The following TRPM7 variants were observed in gnomAD, a reference collection of about 807,000 sequenced individuals.
TRPM7 encodes transient receptor potential cation channel subfamily M member 7, also known as LTRPC ion channel family member 7.
Under a neutral mutation model 229.7 loss-of-function variants are expected in TRPM7, and 134 were observed. That is an observed-to-expected ratio of 0.58 (90% CI 0.51 to 0.67). The LOEUF is 0.67. Among genes scored for constraint, TRPM7 ranks in the 30% least tolerant of loss-of-function variants. The pLI is 0.00. For synonymous variants in TRPM7, 699 were observed against 715.2 expected (o/e 0.98, Z 0.36); for missense variants, 1,901 against 2,210.0 (o/e 0.86, Z 2.80).
chr15:50,672,721 T>C (rs1009891036), intron 1 of TRPM7, among the ~76,000 whole-genome samples: 6 of 151,562 alleles, frequency 4.0e-5, no homozygotes, highest in African/African-American at 1.5e-4. Flanking sequence ...ACCAGCCTGA[T>C]CAATGTGGTG....
At chr15:50,599,547 T>C (rs1448654268) in intron 21 of TRPM7, 3 of 325,128 alleles carry the variant, frequency 9.2e-6, no homozygotes, top group South Asian at 9.0e-5. Context: ...ACATAATGAA[T>C]TGTATCACTG....
At chr15:50,587,040 A>G (rs1325543545) in intron 27 of TRPM7, among the ~76,000 whole-genome samples, 1 of 152,140 alleles carries the variant, frequency 6.6e-6, no homozygotes, top group Non-Finnish European at 1.5e-5. Flanking sequence ...ACAAAAGAAA[A>G]CAAAAAACCT....
intron 1 of TRPM7, among the ~76,000 whole-genome samples, chr15:50,678,777 C>G (rs1313520217): frequency 6.6e-6 from 1 of 152,022 alleles, no homozygotes; most frequent in East Asian, 1.9e-4. Flanking sequence ...TGCCTGTAAC[C>G]CCAACACTTT....
intron 2 of TRPM7, among the ~76,000 whole-genome samples, chr15:50,658,689 TA>T (rs1040636841): frequency 3.3e-5 from 5 of 151,868 alleles, no homozygotes; most frequent in African/African-American, 9.7e-5. Context: ...CCCATCAAAA[TA>T]AAAAACGTTG....
At chr15:50,665,825 C>T (rs1476480993) in intron 1 of TRPM7, among the ~76,000 whole-genome samples, 1 of 151,970 alleles carries the variant, frequency 6.6e-6, no homozygotes, top group Non-Finnish European at 1.5e-5. Flanking sequence ...TGAAAACCGT[C>T]TCTACTAAAA....
intron 1 of TRPM7, among the ~76,000 whole-genome samples, chr15:50,679,501 GTA>G (rs1318228359): frequency 2.4e-5 from 2 of 84,624 alleles, no homozygotes; most frequent in Non-Finnish European, 4.6e-5. Flanking sequence ...ATATATATGT[GTA>G]TATATATAAT....
rs1393754637 is a variant in TRPM7 at position 50,566,198 on chromosome 15, A to G, written c.5467+3689T>C. ...AGTATGTTTCTTTTATAATAGAATT[A>G]AGCAAGAAATCAATTAAAGACATTT... On this transcript the variant is annotated intron_variant, in intron 38 of 38. Coordinates refer to ENST00000646667, the MANE Select transcript of TRPM7 (RefSeq NM_017672.6). Among the ~76,000 whole-genome samples the G allele has an allele frequency of 3.3e-5, 5 of 150,174 alleles. No homozygotes were observed. In the South Asian group the frequency reaches 6.3e-4, roughly 19 times the overall value.
chr15:50,634,118 A>G (rs150664677), intron 8 of TRPM7, among the ~76,000 whole-genome samples: 33 of 152,208 alleles, frequency 2.2e-4, no homozygotes, highest in African/African-American at 7.5e-4. Flanking sequence ...CAGGAGTTCA[A>G]GACTAGCCTG....
chr15:50,589,477 A>G, intron 27 of TRPM7, 115 bp downstream of exon 27: 1 of 691,316 alleles, frequency 1.4e-6, no homozygotes, highest in African/African-American at 1.9e-5. Context: ...CAGCATGTTA[A>G]TGATATCTGC....
chr15:50,636,712 T>G (rs16973487), intron 7 of TRPM7, among the ~76,000 whole-genome samples: 1 of 152,092 alleles, frequency 6.6e-6, no homozygotes, highest in South Asian at 2.1e-4. Flanking sequence ...TTAAGACACA[T>G]TTAGCCAAAC....
chr15:50,659,316 T>C (rs2061671112), intron 2 of TRPM7, among the ~76,000 whole-genome samples: 1 of 152,124 alleles, frequency 6.6e-6, no homozygotes, highest in African/African-American at 2.4e-5. Context: ...ACAAAGACTA[T>C]ATCTAACTTT....
chr15:50,592,403 G>C lies in TRPM7; in HGVS notation c.3832C>G (p.Leu1278Val). The change falls in exon 26 of 39, where the codon CTT (leucine) becomes GTT (valine). Residue 1278 changes from leucine to valine, a missense_variant. Leu to Val is a conservative substitution (Grantham distance 32). Transcript: ENST00000646667. The part of the protein sequence containing the change: ...LSISKHLAQN[L>V]IDDGPVRPSV... ...GGTCTTACAGGACCATCATCAATAA[G>C]GTTTTGAGCCAAGTGTTTGGAAATG... 6.2e-7 allele frequency: 1 copy of C among 1,614,144 alleles called. No individual in the cohort carries two copies. The highest frequency in any genetic ancestry group is 1.1e-5 in the South Asian group (1 of 91,076).
At chr15:50,672,898 C>CAAAAAAAAAA (rs35153596) in intron 1 of TRPM7, among the ~76,000 whole-genome samples, 1 of 26,220 alleles carries the variant, frequency 3.8e-5, no homozygotes, top group Admixed American at 6.6e-4. Context: ...GACTCTGTCT[C>CAAAAAAAAAA]AAAAAAAAAA....
At position 50,648,677 on chromosome 15, in the gene TRPM7, T is replaced by C. The variant is rs1390928603; in HGVS notation, c.321+10A>G. Reference sequence around the variant, plus strand: ...AACATAAATGAAGAAAAATCCAATATGTGACATACCTTAGCTCTGTAGGAA... The same window carrying C: ...AACATAAATGAAGAAAAATCCAATACGTGACATACCTTAGCTCTGTAGGAA... On this transcript the variant is annotated intron_variant, in intron 4 of 38. Coordinates refer to ENST00000646667, the MANE Select transcript of TRPM7 (RefSeq NM_017672.6). The C allele has an allele frequency of 1.9e-6, 3 of 1,574,772 alleles. No individual in the cohort carries two copies. Among genetic ancestry groups the C allele is most frequent in the Admixed American group, 3.7e-5 (2 of 53,756 alleles).
chr15:50,587,447 C>CA (rs1024379606), intron 27 of TRPM7, among the ~76,000 whole-genome samples: 6 of 114,844 alleles, frequency 5.2e-5, no homozygotes, highest in East Asian at 2.8e-4. Context: ...TGCTCCATCT[C>CA]AAAAAAAAAG....
chr15:50,635,662 C>T (rs769555014), intron 7 of TRPM7, among the ~76,000 whole-genome samples: 80 of 87,954 alleles, frequency 9.1e-4, no homozygotes, highest in Non-Finnish European at 1.4e-3. Flanking sequence ...GACTCCATCT[C>T]CCAAAAAAAA....
chr15:50,678,622 T>C (rs1425794606), intron 1 of TRPM7, among the ~76,000 whole-genome samples: 6 of 150,664 alleles, frequency 4.0e-5, no homozygotes, highest in Non-Finnish European at 8.9e-5. Flanking sequence ...ACTACTCAAC[T>C]AATTAATAAT....
chr15:50,622,305 C>G (rs569154602), intron 12 of TRPM7, among the ~76,000 whole-genome samples: 1 of 152,080 alleles, frequency 6.6e-6, no homozygotes, highest in Admixed American at 6.6e-5. Context: ...AGTTTGAGAA[C>G]TACTGCTTTA....
intron 38 of TRPM7, among the ~76,000 whole-genome samples, chr15:50,568,930 C>T (rs1009572340): frequency 5.3e-5 from 8 of 152,174 alleles, no homozygotes; most frequent in African/African-American, 1.9e-4. Context: ...CTGCAGTGAG[C>T]TGAGATCGCA....
Sources: gnomAD v4.1 joint callset for allele counts (sites outside exome capture counted in the v4.1 genomes callset) on GRCh38, gnomAD v4.1.1 for gene constraint, MANE v1.5 for transcripts, NCBI Gene and HGNC (gene_info 2026-07-23, HGNC 2026-07-21) for gene names.